ZNF334: variants seen among roughly 807,000 people sequenced by gnomAD.
The protein encoded by ZNF334 is zinc finger protein 334.
A neutral mutation model predicts 12.4 loss-of-function variants in ZNF334; 14 were observed. That is an observed-to-expected ratio of 1.13 (90% confidence interval 0.74 to 1.76). The LOEUF (loss-of-function observed/expected upper bound fraction) is 1.76. ZNF334 is among the 40% of genes most tolerant of loss of function. ZNF334 has a pLI of 0.00. For synonymous variants in ZNF334, 273 were observed against 269.6 expected (o/e 1.01, Z -0.12); for missense variants, 797 against 804.5 (o/e 0.99, Z 0.11).
intron 4 of ZNF334, 89 bp from the exon 5 acceptor site, chr20:46,503,186 G>C: frequency 7.1e-7 from 1 of 1,402,514 alleles, no homozygotes; most frequent in South Asian, 1.7e-5. Flanking sequence ...ATTGTTTTAG[G>C]GGTTAGACTT....
chr20:46,488,816 T>A, the ZNF334 span, among the ~76,000 whole-genome samples: 2 of 151,924 alleles, frequency 1.3e-5, no homozygotes, highest in African/African-American at 4.8e-5. Flanking sequence ...TTTTTTTTTT[T>A]TTTTAGTACC....
chr20:46,485,887 C>T, the ZNF334 span, among the ~76,000 whole-genome samples: 2 of 152,212 alleles, frequency 1.3e-5, no homozygotes, highest in African/African-American at 4.8e-5. Context: ...CCAAACTCCT[C>T]TCCTACCCCC....
chr20:46,510,160 T>C (rs2061591813), intron 2 of ZNF334, among the ~76,000 whole-genome samples: 1 of 152,138 alleles, frequency 6.6e-6, no homozygotes, highest in African/African-American at 2.4e-5. Flanking sequence ...ATTCTGCAAG[T>C]GGCGTGGAAC....
At chr20:46,505,031 T>C (rs1323962551) in intron 2 of ZNF334, 3 of 259,178 alleles carry the variant, frequency 1.2e-5, no homozygotes, top group Non-Finnish European at 2.2e-5. Flanking sequence ...GTGACAAAAA[T>C]AGAAATGTAC....
At chr20:46,464,101 G>A in the ZNF334 span, 1 of 600,482 alleles carries the variant, frequency 1.7e-6, no homozygotes. Flanking sequence ...CCTTCACTGG[G>A]CCCAGTATCT....
At position 46,512,087 on chromosome 20, in the gene ZNF334, AT is replaced by A. The variant is rs572509906; in HGVS notation, c.15del (p.Lys5AsnfsTer11). ...TAAATCCCTGAGCAACTTACCTGAA[AT>A]TTTTTCATTTTCATGTTCTCTTGAG... The part of the protein sequence containing the change: MKMK[K>X]FQIPVSFQDL... On this transcript the variant is annotated frameshift_variant, in exon 2 of 5. Coordinates refer to ENST00000692313, the MANE Select transcript of ZNF334 (RefSeq NM_001353824.2). LOFTEE classifies it high-confidence loss of function. 6.2e-7 allele frequency: 1 copy of A among 1,613,812 alleles called. No homozygotes were observed. The highest frequency in any genetic ancestry group is 1.7e-5 in the Admixed American group (1 of 60,004).
At chr20:46,488,424 TATA>T in the ZNF334 span, among the ~76,000 whole-genome samples, 2 of 122,952 alleles carry the variant, frequency 1.6e-5, 1 homozygote, top group Non-Finnish European at 3.4e-5. Context: ...TTATTTTATA[TATA>T]TATATATATA....
the ZNF334 span, among the ~76,000 whole-genome samples, chr20:46,470,673 A>G: frequency 1.3e-5 from 2 of 152,194 alleles, no homozygotes; most frequent in African/African-American, 4.8e-5. Context: ...CATTTTACGC[A>G]TCTGTAAACA....
chr20:46,482,566 T>C, the ZNF334 span, among the ~76,000 whole-genome samples: 1 of 152,196 alleles, frequency 6.6e-6, no homozygotes, highest in African/African-American at 2.4e-5. Context: ...ACAATGCAGA[T>C]GAATAATTTT....
downstream of ZNF334, among the ~76,000 whole-genome samples, chr20:46,499,340 G>C (rs1057060200): frequency 2.0e-5 from 3 of 152,100 alleles, no homozygotes; most frequent in Non-Finnish European, 2.9e-5. Flanking sequence ...ACTATGAGAT[G>C]TATCTGTTGT....
the ZNF334 span, among the ~76,000 whole-genome samples, chr20:46,478,651 C>T: frequency 5.3e-5 from 8 of 152,286 alleles, no homozygotes; most frequent in South Asian, 2.1e-4. Context: ...AGGTTAACTT[C>T]GGAATTTACT....
chr20:46,511,061 T>C (rs1424484794), intron 2 of ZNF334, among the ~76,000 whole-genome samples: 1 of 151,760 alleles, frequency 6.6e-6, no homozygotes, highest in African/African-American at 2.4e-5. Context: ...CATAGCAATG[T>C]TCATGAAACA....
At chr20:46,488,419 T>TTATTTATA in the ZNF334 span, among the ~76,000 whole-genome samples, 20 of 102,196 alleles carry the variant, frequency 2.0e-4, 1 homozygote, top group African/African-American at 5.2e-4. Flanking sequence ...AGCTCTTATT[T>TTATTTATA]TATATATATA....
In ZNF334 at chr20:46,501,671, C is replaced by T. The variant is rs41283030; in HGVS notation, c.1668G>A (p.Lys556=). 4.1e-3 allele frequency: 6,674 copies of T among 1,614,100 alleles called. 234 individuals carry two copies. In the African/African-American group the frequency reaches 0.079, roughly 19 times the overall value. ...TTCTCTGATGGTGAGTCAGGGCTGA[C>T]TTCCTGCAGTAGGTTCTCCCACATT... ...CNECGRTYCR[K]SALTHHQRTH... The change falls in exon 5 of 5, where the codon AAG becomes AAA. Residue 556 remains lysine (K), a synonymous_variant. Transcript: ENST00000692313.
chr20:46,510,642 T>C (rs1465268201), intron 2 of ZNF334, among the ~76,000 whole-genome samples: 2 of 149,684 alleles, frequency 1.3e-5, no homozygotes, highest in African/African-American at 2.5e-5. Flanking sequence ...AGGAGAATGG[T>C]GTGAACCTGG....
At chr20:46,467,840 A>T in the ZNF334 span, among the ~76,000 whole-genome samples, 1 of 152,272 alleles carries the variant, frequency 6.6e-6, no homozygotes, top group African/African-American at 2.4e-5. Context: ...ACGTTACATA[A>T]TCATTTAGAA....
the ZNF334 span, chr20:46,463,849 G>A: frequency 2.5e-6 from 1 of 406,296 alleles, no homozygotes; most frequent in East Asian, 6.6e-5. Context: ...GGGGACTGCT[G>A]CTGTCTGAGG....
At chr20:46,476,531 G>A in the ZNF334 span, among the ~76,000 whole-genome samples, 1 of 152,284 alleles carries the variant, frequency 6.6e-6, no homozygotes, top group East Asian at 1.9e-4. Context: ...GTATATGAGG[G>A]CTCTATTTTT....
chr20:46,481,985 G>A, the ZNF334 span, among the ~76,000 whole-genome samples: 3 of 152,116 alleles, frequency 2.0e-5, no homozygotes, highest in Admixed American at 2.0e-4. Context: ...TTGTCTGGGT[G>A]GGCCTGAAAT....
Sources: gnomAD v4.1 joint callset for allele counts (sites outside exome capture counted in the v4.1 genomes callset) on GRCh38, gnomAD v4.1.1 for gene constraint, MANE v1.5 for transcripts, NCBI Gene and HGNC (gene_info 2026-07-23, HGNC 2026-07-21) for gene names.